The following PRKCB variants were observed in gnomAD, a reference collection of about 807,000 sequenced individuals.
PRKCB encodes protein kinase C beta type.
A neutral mutation model predicts 81.5 loss-of-function variants in PRKCB; 13 were observed. The ratio of observed to expected loss-of-function variants is 0.16; its 90% CI spans 0.10 to 0.25. The LOEUF is 0.25. PRKCB is among the 10% of genes least tolerant of loss of function. The pLI is 1.00. For missense variants in PRKCB, 509 were observed against 875.7 expected (o/e 0.58, Z 5.29); for synonymous variants, 335 against 321.4 (o/e 1.04, Z -0.45).
intron 16 of PRKCB, among the ~76,000 whole-genome samples, chr16:24,195,918 C>T (rs1967870733): frequency 6.6e-6 from 1 of 152,232 alleles, no homozygotes; most frequent in South Asian, 2.1e-4. Context: ...CCTGCTTCAT[C>T]TGTGCAGAGC....
rs139613995 is a variant in PRKCB at position 23,891,596 on chromosome 16, AG to A, written c.205+54193del. Among the ~76,000 whole-genome samples the A allele has an allele frequency of 3.0e-3, 455 of 152,314 alleles. 3 individuals are homozygous for A. Among genetic ancestry groups the A allele is most frequent in the African/African-American group, 0.011 (437 of 41,566 alleles). On this transcript the variant is annotated intron_variant, in intron 2 of 16. Coordinates refer to ENST00000643927, the MANE Select transcript of PRKCB (RefSeq NM_002738.7). ...GTTAGGCCTATCTGCAAGAAGCATA[AG>A]GGTTTGTCAGGAGCTATTATGATTA...
intron 2 of PRKCB, among the ~76,000 whole-genome samples, chr16:23,868,849 A>T (rs1028901182): frequency 4.6e-5 from 7 of 152,336 alleles, no homozygotes; most frequent in Admixed American, 4.6e-4. Context: ...TACAATCTTG[A>T]ATCAAACTTT....
chr16:24,044,476 A>T (rs2141864609), intron 5 of PRKCB, among the ~76,000 whole-genome samples: 1 of 152,334 alleles, frequency 6.6e-6, no homozygotes, highest in Non-Finnish European at 1.5e-5. Context: ...TAAGATTATG[A>T]TTTATACACT....
At chr16:23,933,715 ATCCATCCATCTATCCATCCATCCATTCG>A (rs1288514267) in intron 2 of PRKCB, among the ~76,000 whole-genome samples, 3 of 143,748 alleles carry the variant, frequency 2.1e-5, no homozygotes, top group Non-Finnish European at 4.5e-5. Context: ...CCATCCATTC[ATCCATCCATCTATCCATCCATCCATTCG>A]TCCATCCATC....
At chr16:23,938,843 T>C (rs1964099301) in intron 2 of PRKCB, among the ~76,000 whole-genome samples, 1 of 152,232 alleles carries the variant, frequency 6.6e-6, no homozygotes, top group African/African-American at 2.4e-5. Flanking sequence ...TAGTGCTGTA[T>C]GTTCCTGTTG....
intron 10 of PRKCB, among the ~76,000 whole-genome samples, chr16:24,161,122 C>A (rs1384985587): frequency 2.6e-5 from 4 of 151,870 alleles, no homozygotes; most frequent in Non-Finnish European, 4.4e-5. Flanking sequence ...CTTAAAAAAT[C>A]TCAAAAGTGG....
At chr16:24,191,322 G>T in intron 16 of PRKCB, 92 bp downstream of exon 16, 4 of 1,439,256 alleles carry the variant, frequency 2.8e-6, no homozygotes, top group Non-Finnish European at 3.9e-6. Context: ...CTGAGGGGTA[G>T]ACGTCAATGT....
chr16:24,080,540 G>A lies in PRKCB; in HGVS notation c.530-12251G>A, dbSNP rs573982660. ...TCGGGGGAGCAGGAGGATAATGAGCGTTGTTGGACATGTTGAGTTTAGCGT... is the reference window on the plus strand; with the variant it reads ...TCGGGGGAGCAGGAGGATAATGAGCATTGTTGGACATGTTGAGTTTAGCGT... On this transcript the variant is annotated intron_variant, in intron 5 of 16. Coordinates refer to ENST00000643927, the MANE Select transcript of PRKCB (RefSeq NM_002738.7). Among the ~76,000 whole-genome samples, 13 of 152,236 alleles carry A rather than the reference G, an allele frequency of 8.5e-5. No individual in the cohort carries two copies. In the South Asian group the frequency reaches 1.9e-3, roughly 22 times the overall value.
chr16:24,108,022 G>A (rs897583787), intron 7 of PRKCB, among the ~76,000 whole-genome samples: 3 of 152,148 alleles, frequency 2.0e-5, no homozygotes, highest in African/African-American at 7.2e-5. Context: ...CTGATATATC[G>A]TTAACACTCT....
intron 7 of PRKCB, among the ~76,000 whole-genome samples, chr16:24,108,181 T>TA (rs1276916566): frequency 1.4e-4 from 21 of 151,106 alleles, no homozygotes; most frequent in African/African-American, 5.1e-4. Flanking sequence ...TTTTTTTTTT[T>TA]ATTGGAACAT....
At chr16:24,076,836 G>A (rs949824529) in intron 5 of PRKCB, among the ~76,000 whole-genome samples, 8 of 152,318 alleles carry the variant, frequency 5.3e-5, no homozygotes, top group South Asian at 2.1e-4. Flanking sequence ...GGCATAGGGT[G>A]GGGGCTGTGC....
intron 2 of PRKCB, among the ~76,000 whole-genome samples, chr16:23,849,176 G>A (rs900147787): frequency 6.6e-6 from 1 of 152,208 alleles, no homozygotes; most frequent in African/African-American, 2.4e-5. Flanking sequence ...TCGCCCCATC[G>A]GCTGACCTCA....
chr16:24,139,024 A>G (rs1310670377), intron 9 of PRKCB, among the ~76,000 whole-genome samples: 2 of 151,292 alleles, frequency 1.3e-5, no homozygotes, highest in Non-Finnish European at 2.9e-5. Flanking sequence ...GCTAAATTTT[A>G]TATTTTTAGT....
intron 3 of PRKCB, among the ~76,000 whole-genome samples, chr16:24,006,747 C>A (rs2879908): frequency 6.7e-6 from 1 of 148,808 alleles, no homozygotes; most frequent in Admixed American, 6.8e-5. Flanking sequence ...ACTCTTGGGT[C>A]GGGCTTTTAA....
At position 23,965,420 on chromosome 16, in the gene PRKCB, G is replaced by A. The variant is rs529913397; in HGVS notation, c.206-23088G>A. 9.9e-5 allele frequency among the ~76,000 whole-genome samples: 15 copies of A among 152,218 alleles called. No homozygotes were observed. In the South Asian group the frequency reaches 1.7e-3, roughly 17 times the overall value. Reference sequence around the variant, plus strand: ...GGATGGGCACCTCCGTTGATTTCTTGTCTTTGCTATTGCATCACTTACTCT... The same window carrying A: ...GGATGGGCACCTCCGTTGATTTCTTATCTTTGCTATTGCATCACTTACTCT... On this transcript the variant is annotated intron_variant, in intron 2 of 16. Transcript: ENST00000643927.
intron 10 of PRKCB, among the ~76,000 whole-genome samples, chr16:24,157,474 G>A (rs1372358527): frequency 6.6e-6 from 1 of 151,866 alleles, no homozygotes; most frequent in Non-Finnish European, 1.5e-5. Flanking sequence ...CCTTGCTGCT[G>A]CCACGTGAAG....
intron 2 of PRKCB, among the ~76,000 whole-genome samples, chr16:23,974,840 C>A (rs747966094): frequency 2.6e-5 from 4 of 152,168 alleles, no homozygotes; most frequent in Non-Finnish European, 4.4e-5. Flanking sequence ...GTGGCAGGAG[C>A]GAATGGATGA....
intron 5 of PRKCB, among the ~76,000 whole-genome samples, chr16:24,038,437 G>A (rs1480262044): frequency 6.6e-6 from 1 of 152,246 alleles, no homozygotes; most frequent in Non-Finnish European, 1.5e-5. Context: ...ACACCATTCG[G>A]GAAAGGGCAC....
intron 2 of PRKCB, among the ~76,000 whole-genome samples, chr16:23,951,623 G>A (rs1596484875): frequency 1.7e-5 from 2 of 119,438 alleles, no homozygotes; most frequent in African/African-American, 6.6e-5. Context: ...TTGCCATGTT[G>A]CCCAGGCTGG....
Sources: gnomAD v4.1 joint callset for allele counts (sites outside exome capture counted in the v4.1 genomes callset) on GRCh38, gnomAD v4.1.1 for gene constraint, MANE v1.5 for transcripts, NCBI Gene and HGNC (gene_info 2026-07-23, HGNC 2026-07-21) for gene names.